The following KIF26B variants were observed in gnomAD, a reference collection of about 807,000 sequenced individuals.
KIF26B encodes the protein kinesin family member 26B, also known as kinesin-like protein KIF26B.
A neutral mutation model predicts 151.2 loss-of-function variants in KIF26B; 63 were observed. That is an observed-to-expected ratio of 0.42 (90% CI 0.34 to 0.51). KIF26B has a LOEUF of 0.51. Ranked by LOEUF, KIF26B falls within the 20% of genes least tolerant of loss-of-function variation. The pLI, the probability that KIF26B is intolerant of heterozygous loss-of-function variation, is 0.07. For synonymous variants in KIF26B, 1,357 were observed against 1,262.1 expected (o/e 1.08, Z -1.59); for missense variants, 2,813 against 2,913.6 (o/e 0.97, Z 0.79).
At chr1:245,264,711 G>A (rs1670709426) in intron 2 of KIF26B, among the ~76,000 whole-genome samples, 1 of 151,270 alleles carries the variant, frequency 6.6e-6, no homozygotes, top group African/African-American at 2.4e-5. Flanking sequence ...TGGCTAACAA[G>A]GTGAAACCCC....
chr1:245,382,414 G>T (rs927228552), intron 3 of KIF26B, among the ~76,000 whole-genome samples: 2 of 152,130 alleles, frequency 1.3e-5, no homozygotes, highest in African/African-American at 4.8e-5. Flanking sequence ...TCCATAGAAT[G>T]GGGATAGTAT....
chr1:245,393,906 G>C (rs1376205669), intron 3 of KIF26B, among the ~76,000 whole-genome samples: 1 of 152,160 alleles, frequency 6.6e-6, no homozygotes, highest in Non-Finnish European at 1.5e-5. Flanking sequence ...CAGATGGGGA[G>C]GTACAGTCAC....
intron 2 of KIF26B, among the ~76,000 whole-genome samples, chr1:245,257,501 C>T (rs545439409): frequency 6.6e-6 from 1 of 152,342 alleles, no homozygotes. Context: ...CAGCTCACCT[C>T]TCAATGAGTG....
At chr1:245,180,963 T>C (rs1441538344) in intron 2 of KIF26B, among the ~76,000 whole-genome samples, 1 of 152,128 alleles carries the variant, frequency 6.6e-6, no homozygotes, top group Non-Finnish European at 1.5e-5. Context: ...GTGGGCAAGA[T>C]AGGGTGGGGG....
At position 245,166,754 on chromosome 1, in the gene KIF26B, A is replaced by G. The variant is rs992586194; in HGVS notation, c.465+10071A>G. Among the ~76,000 whole-genome samples, 1 of 152,174 alleles carries G rather than the reference A, an allele frequency of 6.6e-6. No homozygotes were observed. ...AGTTGTACTTTGCTGATCCTATCAC[A>G]TCGATTCCAACCAGACCCCATGGGA... On this transcript the variant is annotated intron_variant, in intron 2 of 14. Transcript: ENST00000407071. The surrounding 1 kb of genome is among the most constrained non-coding windows in gnomAD (Gnocchi z 4.5).
At position 245,382,819 on chromosome 1, in the gene KIF26B, C is replaced by T. The variant is rs530066206; in HGVS notation, c.999+15452C>T. ...CCGACCTCAGGTGATCCACCCTCCT[C>T]GGCCTCCCAAAGTGCTGGGATTACA... On this transcript the variant is annotated intron_variant, in intron 3 of 14. Coordinates refer to ENST00000407071, the MANE Select transcript of KIF26B (RefSeq NM_018012.4). 7.9e-5 allele frequency among the ~76,000 whole-genome samples: 12 copies of T among 151,984 alleles called. No individual in the cohort carries two copies. In the South Asian group the frequency reaches 1.2e-3, roughly 16 times the overall value.
intron 9 of KIF26B, among the ~76,000 whole-genome samples, chr1:245,622,516 G>A (rs2043674557): frequency 6.6e-6 from 1 of 152,110 alleles, no homozygotes; most frequent in South Asian, 2.1e-4. Context: ...TCCCTCCCAC[G>A]CACCCCGAGT....
At chr1:245,521,297 A>C (rs928664323) in intron 4 of KIF26B, among the ~76,000 whole-genome samples, 11 of 151,352 alleles carry the variant, frequency 7.3e-5, no homozygotes, top group African/African-American at 1.2e-4. Flanking sequence ...AGATCGCACC[A>C]CTGCACTCCA....
At chr1:245,394,735 G>A (rs1438510733) in intron 3 of KIF26B, among the ~76,000 whole-genome samples, 1 of 135,584 alleles carries the variant, frequency 7.4e-6, no homozygotes, top group Non-Finnish European at 1.5e-5. Context: ...TTGTTGCCCG[G>A]GCTAGAGTGC....
At chr1:245,668,677 G>GTTTCTTTTCT (rs112851269) in intron 10 of KIF26B, among the ~76,000 whole-genome samples, 1 of 151,268 alleles carries the variant, frequency 6.6e-6, no homozygotes, top group African/African-American at 2.5e-5. Flanking sequence ...TGGAGATCAT[G>GTTTCTTTTCT]TTTCTTTTCT....
At chr1:245,593,098 C>G (rs567938043) in intron 5 of KIF26B, among the ~76,000 whole-genome samples, 7 of 152,218 alleles carry the variant, frequency 4.6e-5, no homozygotes, top group Admixed American at 2.0e-4. Context: ...TTGGAAGAAG[C>G]AATTTTAGAT....
chr1:245,549,976 AC>A (rs1661839255), intron 5 of KIF26B, among the ~76,000 whole-genome samples: 1 of 152,136 alleles, frequency 6.6e-6, no homozygotes, highest in African/African-American at 2.4e-5. Flanking sequence ...AGGGGGTTTC[AC>A]CATGTTGGCC....
At chr1:245,335,143 T>C (rs1672195351) in intron 2 of KIF26B, among the ~76,000 whole-genome samples, 1 of 152,152 alleles carries the variant, frequency 6.6e-6, no homozygotes, top group Non-Finnish European at 1.5e-5. Flanking sequence ...GTCTGTCTGC[T>C]CTCTGGATTC....
intron 5 of KIF26B, among the ~76,000 whole-genome samples, chr1:245,545,234 TG>T (rs750718826): frequency 4.6e-5 from 7 of 152,132 alleles, no homozygotes; most frequent in Non-Finnish European, 1.0e-4. Context: ...CCCAAGTAGC[TG>T]GGATTACAGG....
chr1:245,401,458 G>A (rs978448133), intron 3 of KIF26B, among the ~76,000 whole-genome samples: 4 of 152,286 alleles, frequency 2.6e-5, no homozygotes, highest in East Asian at 3.9e-4. Flanking sequence ...AACTGCACAC[G>A]TAAAGCATGT....
At chr1:245,232,778 G>A (rs1436414672) in intron 2 of KIF26B, among the ~76,000 whole-genome samples, 2 of 152,110 alleles carry the variant, frequency 1.3e-5, no homozygotes, top group African/African-American at 4.8e-5. Flanking sequence ...TCGAACTCCC[G>A]ACCTCAGGTG....
intron 2 of KIF26B, among the ~76,000 whole-genome samples, chr1:245,196,425 T>C (rs181695113): frequency 6.6e-6 from 1 of 152,302 alleles, no homozygotes; most frequent in Admixed American, 6.5e-5. Flanking sequence ...ATATCACTGA[T>C]CTGCTCAAAG....
intron 3 of KIF26B, among the ~76,000 whole-genome samples, chr1:245,414,934 G>GA (rs747804492): frequency 8.4e-4 from 128 of 152,190 alleles, no homozygotes; most frequent in Non-Finnish European, 1.5e-3. Flanking sequence ...GAAGGAAGGG[G>GA]AAAAAAACGG....
chr1:245,195,961 A>G (rs1669185158), intron 2 of KIF26B, among the ~76,000 whole-genome samples: 2 of 152,172 alleles, frequency 1.3e-5, no homozygotes, highest in South Asian at 4.1e-4. Context: ...CAAGGAGAGT[A>G]ATCAAAGTGG....
Sources: gnomAD v4.1 joint callset for allele counts (sites outside exome capture counted in the v4.1 genomes callset) on GRCh38, gnomAD v4.1.1 for gene constraint, Gnocchi (gnomAD v3.1) non-coding constraint, MANE v1.5 for transcripts, NCBI Gene and HGNC (gene_info 2026-07-23, HGNC 2026-07-21) for gene names.